DISC1: variants seen among roughly 807,000 people sequenced by gnomAD.
DISC1 encodes DISC1 scaffold protein.
In DISC1, 57 loss-of-function variants were observed where a neutral mutation model predicts 84.5. The observed-to-expected ratio is 0.67, with a 90% CI of 0.55 to 0.84. DISC1 has a LOEUF of 0.84. Ranked by LOEUF, DISC1 falls within the 40% of genes least tolerant of loss-of-function variation. DISC1 has a pLI of 0.00. For synonymous variants in DISC1, 411 were observed against 415.2 expected (o/e 0.99, Z 0.12); for missense variants, 1,000 against 1,057.8 (o/e 0.95, Z 0.76).
chr1:231,896,664 G>A (rs957614650), intron 9 of DISC1, among the ~76,000 whole-genome samples: 3 of 152,140 alleles, frequency 2.0e-5, no homozygotes, highest in Non-Finnish European at 2.9e-5. Context: ...AATATCTTCT[G>A]TGGTGACCCT....
intron 10 of DISC1, among the ~76,000 whole-genome samples, chr1:231,962,562 C>T (rs528482124): frequency 2.0e-5 from 3 of 152,212 alleles, no homozygotes; most frequent in Non-Finnish European, 2.9e-5. Flanking sequence ...TGTAAGGCTA[C>T]AGTAACAAAA....
Position 231,998,171 on chromosome 1 carries a change from G to C in DISC1, c.2043-10614G>C, listed in dbSNP as rs116630752. Reference sequence around the variant, plus strand: ...GGATTCAGCTGAAAAGCCAATTGGCGAGCCAGAAGATCTCAGAAATTCTCA... The same window carrying C: ...GGATTCAGCTGAAAAGCCAATTGGCCAGCCAGAAGATCTCAGAAATTCTCA... On this transcript the variant is annotated intron_variant, in intron 10 of 12. Transcript: ENST00000439617. 2.0e-3 allele frequency among the ~76,000 whole-genome samples: 306 copies of C among 152,300 alleles called. 1 individual carries two copies. The highest frequency in any genetic ancestry group is 7.0e-3 in the African/African-American group (290 of 41,580).
chr1:231,767,368 T>TGAGCTATGATTGCAC, intron 5 of DISC1, 99 bp downstream of exon 5: 1 of 1,511,406 alleles, frequency 6.6e-7, no homozygotes, highest in Non-Finnish European at 8.9e-7. Flanking sequence ...AGTGGTGCAA[T>TGAGCTATGATTGCAC]CATAGCTCAT....
At chr1:231,780,758 C>A (rs1487308511) in intron 6 of DISC1, among the ~76,000 whole-genome samples, 1 of 87,252 alleles carries the variant, frequency 1.1e-5, no homozygotes, top group African/African-American at 4.5e-5. Context: ...TTGGAACCAA[C>A]CCAGATGTCC....
At chr1:231,642,336 A>C (rs1324369467) in intron 1 of DISC1, among the ~76,000 whole-genome samples, 2 of 152,228 alleles carry the variant, frequency 1.3e-5, no homozygotes, top group African/African-American at 2.4e-5. Flanking sequence ...GCCTTGGCCA[A>C]CCCAGAAAGG....
Position 231,953,904 on chromosome 1 carries a change from A to G in DISC1, c.1982-4924A>G, listed in dbSNP as rs80260953. On this transcript the variant is annotated intron_variant, in intron 9 of 12. Transcript: ENST00000439617. ...TGGAGTTTCTTCAAATCACTGGTCC[A>G]TTCAATCTGATAGCAAGTCTGCCTG... Among the ~76,000 whole-genome samples the G allele has an allele frequency of 7.3e-3, 1,118 of 152,294 alleles. 10 individuals are homozygous for G. The highest frequency in any genetic ancestry group is 0.014 in the East Asian group (71 of 5,182).
At chr1:231,950,238 G>GTT (rs1223395136) in intron 9 of DISC1, among the ~76,000 whole-genome samples, 3 of 150,410 alleles carry the variant, frequency 2.0e-5, no homozygotes, top group African/African-American at 7.3e-5. Context: ...GTGTGTGTGT[G>GTT]TGTGTGTGTG....
chr1:231,984,164 C>T (rs546567628), intron 10 of DISC1, among the ~76,000 whole-genome samples: 82 of 152,268 alleles, frequency 5.4e-4, no homozygotes, highest in African/African-American at 1.9e-3. Flanking sequence ...AATAACTTTG[C>T]AGTCAGTCCT....
chr1:231,639,529 A>C (rs1349965327), intron 1 of DISC1, among the ~76,000 whole-genome samples: 1 of 152,226 alleles, frequency 6.6e-6, no homozygotes, highest in Non-Finnish European at 1.5e-5. Flanking sequence ...TGTGATCAGA[A>C]TACTTCAACT....
chr1:231,881,179 C>T (rs1401994287), intron 9 of DISC1, among the ~76,000 whole-genome samples: 1 of 152,216 alleles, frequency 6.6e-6, no homozygotes, highest in Admixed American at 6.5e-5. Context: ...CTGCAGGGCA[C>T]CACAGTCACC....
chr1:231,636,707 A>T (rs1040586439), intron 1 of DISC1, among the ~76,000 whole-genome samples: 2 of 152,122 alleles, frequency 1.3e-5, no homozygotes, highest in African/African-American at 4.8e-5. Flanking sequence ...GTGGAAACAA[A>T]ATGAGATGTC....
chr1:231,659,055 A>G (rs554966082), intron 1 of DISC1, among the ~76,000 whole-genome samples: 10 of 152,150 alleles, frequency 6.6e-5, no homozygotes, highest in Admixed American at 4.6e-4. Flanking sequence ...AGTCAAAATG[A>G]TACCCCTTTT....
At chr1:231,837,411 T>G (rs945656241) in intron 9 of DISC1, among the ~76,000 whole-genome samples, 4 of 152,194 alleles carry the variant, frequency 2.6e-5, no homozygotes, top group Non-Finnish European at 5.9e-5. Context: ...ACAAGCCTAT[T>G]GTTTGCCTTT....
intron 1 of DISC1, among the ~76,000 whole-genome samples, chr1:231,672,860 G>A (rs1572721074): frequency 6.6e-6 from 1 of 152,186 alleles, no homozygotes; most frequent in Admixed American, 6.5e-5. Context: ...TGACCTGGGG[G>A]TTTGGTTTGG....
chr1:232,036,987 AGT>A lies in DISC1; in HGVS notation c.*160_*161del. 1 of 749,622 alleles carries A rather than the reference AGT, an allele frequency of 1.3e-6. No homozygotes were observed. Among genetic ancestry groups the A allele is most frequent in the Non-Finnish European group, 1.9e-6 (1 of 521,514 alleles). The allele number at this position is 749,622 out of a possible 1,614,324, so 46.4% of individuals were successfully genotyped here. ...AAGGTGGTTCATGTTCATTCTCATC[AGT>A]GTGAAACTGAGGAGTCTGCAATTTG... On this transcript the variant is annotated 3_prime_UTR_variant, in exon 13 of 13. Transcript: ENST00000439617.
At chr1:231,690,206 C>T (rs2064823244) in intron 1 of DISC1, among the ~76,000 whole-genome samples, 1 of 152,146 alleles carries the variant, frequency 6.6e-6, no homozygotes, top group Non-Finnish European at 1.5e-5. Flanking sequence ...AGATGGGGGT[C>T]ATATATTACC....
At chr1:231,873,982 G>A (rs1419951386) in intron 9 of DISC1, among the ~76,000 whole-genome samples, 1 of 151,868 alleles carries the variant, frequency 6.6e-6, no homozygotes, top group Non-Finnish European at 1.5e-5. Flanking sequence ...TGAGTAGCTG[G>A]GACTACAGGC....
chr1:231,657,349 AT>A (rs2061190236), intron 1 of DISC1, among the ~76,000 whole-genome samples: 1 of 152,232 alleles, frequency 6.6e-6, no homozygotes, highest in East Asian at 1.9e-4. Context: ...ATCGTATCTT[AT>A]TGTGGTTTTT....
intron 11 of DISC1, among the ~76,000 whole-genome samples, chr1:232,015,402 C>T (rs1185182368): frequency 6.6e-6 from 1 of 152,024 alleles, no homozygotes; most frequent in East Asian, 1.9e-4. Context: ...TCTGAGGGAT[C>T]GATAGCAGGA....
Sources: gnomAD v4.1 joint callset for allele counts (sites outside exome capture counted in the v4.1 genomes callset) on GRCh38, gnomAD v4.1.1 for gene constraint, MANE v1.5 for transcripts, NCBI Gene and HGNC (gene_info 2026-07-23, HGNC 2026-07-21) for gene names.